The following ME2 variants were observed in gnomAD, a reference collection of about 807,000 sequenced individuals.
ME2 encodes NAD-dependent malic enzyme, mitochondrial.
A neutral mutation model predicts 73.7 loss-of-function variants in ME2; 60 were observed. The ratio of observed to expected loss-of-function variants is 0.81; its 90% CI spans 0.66 to 1.01. The LOEUF is 1.01. Among genes scored for constraint, ME2 ranks in the 50% least tolerant of loss-of-function variants. The pLI, the probability that ME2 is intolerant of heterozygous loss-of-function variation, is 0.00. For missense variants in ME2, 594 were observed against 705.5 expected (o/e 0.84, Z 1.79); for synonymous variants, 199 against 236.9 (o/e 0.84, Z 1.47).
In ME2 at chr18:50,893,658, G is replaced by A. The variant is rs1022116046; in HGVS notation, c.-12-2151G>A. Among the ~76,000 whole-genome samples, 8 of 152,298 alleles carry A rather than the reference G, an allele frequency of 5.3e-5. No individual in the cohort carries two copies. In the South Asian group the frequency reaches 1.0e-3, roughly 20 times the overall value. On this transcript the variant is annotated intron_variant, in intron 1 of 15. Transcript: ENST00000321341. ...CTTAAAAGGGTCTCAAATCTCCTAC[G>A]TGTGATTTTGTAGTTTTGTTCTACT... is the stretch of plus-strand genomic sequence containing the variant.
intron 2 of ME2, among the ~76,000 whole-genome samples, chr18:50,897,702 A>T (rs553265339): frequency 6.6e-6 from 1 of 152,286 alleles, no homozygotes; most frequent in East Asian, 1.9e-4. Context: ...CTCTACTAAA[A>T]ATACATAATT....
chr18:50,918,262 TG>T, intron 7 of ME2, 49 bp downstream of exon 7: 1 of 1,287,070 alleles, frequency 7.8e-7, no homozygotes, highest in Non-Finnish European at 1.1e-6. Context: ...ATGGGGTGGG[TG>T]GGGTAAGAAC....
At position 50,952,453 on chromosome 18, in the gene ME2, A is replaced by G. The variant is rs746256682; in HGVS notation, c.*5269A>G. On this transcript the variant is annotated 3_prime_UTR_variant, in exon 16 of 16. Transcript: ENST00000321341. The stretch of plus-strand genomic sequence containing the variant: ...GTGCATCTCAAAGAGAAAAGTAAAT[A>G]TGGAAATATGTTCATAGTTCAGTTG... 3.3e-5 allele frequency: 5 copies of G among 152,354 alleles called. No individual in the cohort carries two copies. Among genetic ancestry groups the G allele is most frequent in the Admixed American group, 2.0e-4 (3 of 15,302 alleles). 9.4% of individuals were successfully genotyped at this position (152,354 alleles called of 1,614,324 possible). A position where few individuals can be genotyped will look rare whatever the true frequency, so the allele number is the denominator to read the frequency against.
chr18:50,918,256 G>T (rs1246100496), intron 7 of ME2, 43 bp downstream of exon 7: 1 of 1,331,478 alleles, frequency 7.5e-7, no homozygotes, highest in Middle Eastern at 1.9e-4. Context: ...CCTTTAATGG[G>T]GTGGGTGGGG....
rs1336020797 is a variant in ME2, at chr18:50,949,207, G to A, written c.*2023G>A. On this transcript the variant is annotated 3_prime_UTR_variant, in exon 16 of 16. Transcript: ENST00000321341. ...GGTCGCAATGGCATTGCCATTTGGA[G>A]TATGGGAAAATGCAGTTGGTTAATT... The A allele has an allele frequency of 6.6e-6, 1 of 152,224 alleles. No homozygotes were observed. The highest frequency in any genetic ancestry group is 1.5e-5 in the Non-Finnish European group (1 of 68,036). The allele number at this position is 152,224 out of a possible 1,614,324, so 9.4% of individuals were successfully genotyped here. A position where few individuals can be genotyped will look rare whatever the true frequency, so the allele number is the denominator to read the frequency against.
intron 15 of ME2, among the ~76,000 whole-genome samples, chr18:50,944,337 G>A (rs16952711): frequency 1.6e-4 from 25 of 152,076 alleles, no homozygotes; most frequent in Admixed American, 2.6e-4. Context: ...ATGTCTCTGC[G>A]TTTCCCCAGA....
intron 1 of ME2, among the ~76,000 whole-genome samples, chr18:50,886,397 C>T (rs1485663275): frequency 6.6e-6 from 1 of 151,882 alleles, no homozygotes; most frequent in Non-Finnish European, 1.5e-5. Flanking sequence ...GCACGTACCA[C>T]CCTGCCCAGC....
intron 4 of ME2, 27 bp downstream of exon 4, chr18:50,912,977 T>C (rs1000218525): frequency 6.4e-7 from 1 of 1,554,182 alleles, no homozygotes. Context: ...AAAAAGCTTG[T>C]AAATGATTAT....
chr18:50,904,838 C>T (rs553328577), intron 2 of ME2, among the ~76,000 whole-genome samples: 2 of 151,658 alleles, frequency 1.3e-5, no homozygotes, highest in East Asian at 1.9e-4. Flanking sequence ...AGTTGTTGAG[C>T]TTACTGGATG....
At chr18:50,937,116 G>A (rs1917836511) in intron 13 of ME2, among the ~76,000 whole-genome samples, 1 of 151,488 alleles carries the variant, frequency 6.6e-6, no homozygotes, top group African/African-American at 2.4e-5. Context: ...GATGAGATGA[G>A]AGTGATGAGA....
chr18:50,888,179 A>G (rs1916520988), intron 1 of ME2, among the ~76,000 whole-genome samples: 2 of 151,740 alleles, frequency 1.3e-5, no homozygotes, highest in African/African-American at 4.8e-5. Context: ...CTTTCTCTAC[A>G]AAAAAAACTA....
At chr18:50,913,012 A>C in intron 4 of ME2, 62 bp downstream of exon 4, 1 of 1,373,180 alleles carries the variant, frequency 7.3e-7, no homozygotes, top group South Asian at 1.4e-5. Context: ...ATCATTCCAT[A>C]ACACCCATTA....
At chr18:50,897,936 G>A (rs1028204419) in intron 2 of ME2, among the ~76,000 whole-genome samples, 9 of 151,996 alleles carry the variant, frequency 5.9e-5, no homozygotes, top group Admixed American at 5.9e-4. Context: ...AGATTGAATA[G>A]CATCTATATG....
At chr18:50,921,866 G>A (rs1917439545) in intron 10 of ME2, among the ~76,000 whole-genome samples, 1 of 152,142 alleles carries the variant, frequency 6.6e-6, no homozygotes, top group African/African-American at 2.4e-5. Flanking sequence ...GATTAACTTA[G>A]TACCTTTGGG....
intron 1 of ME2, among the ~76,000 whole-genome samples, chr18:50,884,765 G>C (rs1916413884): frequency 6.6e-6 from 1 of 152,124 alleles, no homozygotes; most frequent in African/African-American, 2.4e-5. Context: ...GATTGCCTTT[G>C]ATTCAAAATA....
At chr18:50,929,907 A>C (rs1568172608) in intron 12 of ME2, among the ~76,000 whole-genome samples, 1 of 152,214 alleles carries the variant, frequency 6.6e-6, no homozygotes, top group Non-Finnish European at 1.5e-5. Flanking sequence ...TATCACCAGA[A>C]GACTGCTCAT....
chr18:50,942,824 C>T (rs1917994284), intron 15 of ME2: 1 of 248,336 alleles, frequency 4.0e-6, no homozygotes, highest in Admixed American at 5.6e-5. Context: ...AATAGTTTTT[C>T]ATTTCATTTG....
intron 10 of ME2, 73 bp from the exon 11 acceptor site, chr18:50,924,025 A>G: frequency 1.1e-6 from 1 of 931,654 alleles, no homozygotes; most frequent in Non-Finnish European, 1.7e-6. Flanking sequence ...TGTGTAACTC[A>G]TAATGATGTC....
intron 1 of ME2, among the ~76,000 whole-genome samples, chr18:50,889,831 A>G (rs1916563702): frequency 6.6e-6 from 1 of 152,186 alleles, no homozygotes; most frequent in Non-Finnish European, 1.5e-5. Context: ...ATAATTTAAC[A>G]TGCCCAATAA....
Sources: gnomAD v4.1 joint callset for allele counts (sites outside exome capture counted in the v4.1 genomes callset) on GRCh38, gnomAD v4.1.1 for gene constraint, MANE v1.5 for transcripts, NCBI Gene and HGNC (gene_info 2026-07-23, HGNC 2026-07-21) for gene names.